The following SLC24A3 variants were observed in gnomAD, a reference collection of about 807,000 sequenced individuals.
The protein encoded by SLC24A3 is sodium/potassium/calcium exchanger 3.
Under a neutral mutation model 75.8 loss-of-function variants are expected in SLC24A3, and 28 were observed. The ratio of observed to expected loss-of-function variants is 0.37; its 90% CI spans 0.27 to 0.51. The LOEUF is 0.51. SLC24A3 is among the 20% of genes least tolerant of loss of function. The probability of loss-of-function intolerance (pLI) is 0.94; values close to 1 mark genes in which losing one functional copy is unlikely to be tolerated. For synonymous variants in SLC24A3, 372 were observed against 334.1 expected (o/e 1.11, Z -1.24); for missense variants, 663 against 847.8 (o/e 0.78, Z 2.71).
chr20:19,376,439 G>A (rs890985715), intron 2 of SLC24A3, among the ~76,000 whole-genome samples: 1 of 152,182 alleles, frequency 6.6e-6, no homozygotes, highest in African/African-American at 2.4e-5. Context: ...AGGCTTCCGA[G>A]TCATCTCCAG....
intron 2 of SLC24A3, among the ~76,000 whole-genome samples, chr20:19,367,913 C>G (rs1164634209): frequency 6.6e-6 from 1 of 152,166 alleles, no homozygotes; most frequent in Non-Finnish European, 1.5e-5. Context: ...TGCTGAGTAA[C>G]AGACTCCATG....
intron 2 of SLC24A3, among the ~76,000 whole-genome samples, chr20:19,424,447 T>C (rs1986965022): frequency 6.6e-6 from 1 of 152,122 alleles, no homozygotes; most frequent in South Asian, 2.1e-4. Flanking sequence ...CCCAGCATTT[T>C]GGGAGGCTGA....
intron 6 of SLC24A3, among the ~76,000 whole-genome samples, chr20:19,587,095 G>A (rs1039682462): frequency 6.6e-6 from 1 of 152,246 alleles, no homozygotes; most frequent in East Asian, 1.9e-4. Context: ...GTCGCTGTTA[G>A]CACTCTCCTA....
At chr20:19,657,563 C>T (rs893199394) in intron 7 of SLC24A3, among the ~76,000 whole-genome samples, 22 of 152,192 alleles carry the variant, frequency 1.4e-4, no homozygotes, top group African/African-American at 5.3e-4. Flanking sequence ...GCCTAAGTAA[C>T]TTTAGTTGCC....
chr20:19,709,055 C>T (rs1177917692), intron 15 of SLC24A3, among the ~76,000 whole-genome samples: 1 of 152,164 alleles, frequency 6.6e-6, no homozygotes, highest in Non-Finnish European at 1.5e-5. Flanking sequence ...AGGCAGCCCA[C>T]AGCGGCTGTG....
At chr20:19,672,186 C>T (rs1215116232) in intron 8 of SLC24A3, among the ~76,000 whole-genome samples, 5 of 152,126 alleles carry the variant, frequency 3.3e-5, no homozygotes, top group Non-Finnish European at 7.4e-5. Flanking sequence ...GGCACTGAAA[C>T]GCAGTGTGCA....
At chr20:19,242,197 G>A (rs1157208819) in intron 1 of SLC24A3, 2 of 152,204 alleles carry the variant, frequency 1.3e-5, no homozygotes, top group Admixed American at 1.3e-4. Context: ...TGGAGACCCA[G>A]CTCCAAGAGG....
rs1568602300 is a variant in SLC24A3 at position 19,373,030 on chromosome 20, TAAAG to T, written c.271+91955_271+91958del. On this transcript the variant is annotated intron_variant, in intron 2 of 16. Coordinates refer to ENST00000328041, the MANE Select transcript of SLC24A3 (RefSeq NM_020689.4). Reference sequence around the variant, plus strand: ...CCTAACTTAGTTACCAAAAGAGAAATAAAGAAAGAAAGAAATTCTTTAGTTTTGC... The same window carrying T: ...CCTAACTTAGTTACCAAAAGAGAAATAAAGAAAGAAATTCTTTAGTTTTGC... Among the ~76,000 whole-genome samples the T allele has an allele frequency of 2.7e-5, 4 of 150,368 alleles. 1 individual carries two copies. In the South Asian group the frequency reaches 6.3e-4, roughly 24 times the overall value.
intron 11 of SLC24A3, 33 bp from the exon 12 acceptor site, chr20:19,685,067 G>A (rs756445796): frequency 1.3e-6 from 2 of 1,568,492 alleles, no homozygotes; most frequent in South Asian, 2.4e-5. Flanking sequence ...CAATCCCTCT[G>A]ACCGTGGTAA....
At chr20:19,322,365 C>CCCTTCCTT (rs59240769) in intron 2 of SLC24A3, among the ~76,000 whole-genome samples, 886 of 79,952 alleles carry the variant, frequency 0.011, 4 homozygotes, top group African/African-American at 0.045. Flanking sequence ...TTCCTTCCTT[C>CCCTTCCTT]CCTTCCTTCC....
At chr20:19,276,176 C>T (rs567442468) in intron 1 of SLC24A3, among the ~76,000 whole-genome samples, 56 of 152,252 alleles carry the variant, frequency 3.7e-4, no homozygotes, top group Middle Eastern at 3.4e-3. Flanking sequence ...AGCTGCCCAC[C>T]CTCTGCCCCT....
chr20:19,327,635 C>T (rs369650050), intron 2 of SLC24A3, among the ~76,000 whole-genome samples: 30 of 152,308 alleles, frequency 2.0e-4, no homozygotes, highest in African/African-American at 6.3e-4. Flanking sequence ...TGGTCTTTGT[C>T]GTCATATCAT....
At chr20:19,374,244 C>CT (rs1986041221) in intron 2 of SLC24A3, among the ~76,000 whole-genome samples, 1 of 152,170 alleles carries the variant, frequency 6.6e-6, no homozygotes, top group South Asian at 2.1e-4. Flanking sequence ...TCACCACCAT[C>CT]TCAGTGACAG....
intron 1 of SLC24A3, among the ~76,000 whole-genome samples, chr20:19,258,568 T>C (rs992315272): frequency 4.6e-5 from 7 of 152,106 alleles, no homozygotes; most frequent in African/African-American, 1.7e-4. Context: ...CTGGTTGTGG[T>C]GCACGTGCCC....
At chr20:19,345,581 A>C (rs1985373257) in intron 2 of SLC24A3, among the ~76,000 whole-genome samples, 1 of 152,176 alleles carries the variant, frequency 6.6e-6, no homozygotes, top group Non-Finnish European at 1.5e-5. Flanking sequence ...GAACTCCAAC[A>C]AATGAGCAAG....
At chr20:19,536,840 T>G (rs2030407584) in intron 3 of SLC24A3, among the ~76,000 whole-genome samples, 1 of 152,106 alleles carries the variant, frequency 6.6e-6, no homozygotes, top group Non-Finnish European at 1.5e-5. Flanking sequence ...AAGCTGAAAC[T>G]GGATCCCTTC....
At chr20:19,590,286 C>T (rs1299548537) in intron 6 of SLC24A3, among the ~76,000 whole-genome samples, 1 of 152,076 alleles carries the variant, frequency 6.6e-6, no homozygotes, top group Non-Finnish European at 1.5e-5. Flanking sequence ...ATGGAGGACT[C>T]AGGCTGATAA....
chr20:19,355,981 A>T (rs1395284223), intron 2 of SLC24A3, among the ~76,000 whole-genome samples: 1 of 151,892 alleles, frequency 6.6e-6, no homozygotes, highest in Non-Finnish European at 1.5e-5. Flanking sequence ...CACTTTAGAG[A>T]CCCCCTAAAT....
At chr20:19,697,350 A>G (rs2093108) in intron 14 of SLC24A3, 49,587 of 178,700 alleles carry the variant, frequency 0.28, 7,438 homozygotes, top group Non-Finnish European at 0.31. Flanking sequence ...GTAAAACATG[A>G]TAGATGCACT....
Sources: gnomAD v4.1 joint callset for allele counts (sites outside exome capture counted in the v4.1 genomes callset) on GRCh38, gnomAD v4.1.1 for gene constraint, MANE v1.5 for transcripts, NCBI Gene and HGNC (gene_info 2026-07-23, HGNC 2026-07-21) for gene names.